The following ST3GAL4 variants were observed in gnomAD, a reference collection of about 807,000 sequenced individuals.
The protein encoded by ST3GAL4 is ST3 beta-galactoside alpha-2,3-sialyltransferase 4, also known as CMP-N-acetylneuraminate-beta-galactosamide-alpha-2,3-sialyltransferase 4.
In ST3GAL4, 24 loss-of-function variants were observed where a neutral mutation model predicts 42.6. That is an observed-to-expected ratio of 0.56 (90% CI 0.41 to 0.79). The LOEUF is 0.79. Ranked by LOEUF, ST3GAL4 falls within the 30% of genes least tolerant of loss-of-function variation. The probability of loss-of-function intolerance (pLI) is 0.00; values close to 1 mark genes in which losing one functional copy is unlikely to be tolerated. For missense variants in ST3GAL4, 311 were observed against 430.8 expected (o/e 0.72, Z 2.46); for synonymous variants, 135 against 163.2 (o/e 0.83, Z 1.32).
intron 1 of ST3GAL4, among the ~76,000 whole-genome samples, chr11:126,357,934 A>G (rs1283946208): frequency 6.6e-6 from 1 of 152,210 alleles, no homozygotes; most frequent in African/African-American, 2.4e-5. Flanking sequence ...GGACTAATAC[A>G]AATGTTTCCG....
At chr11:126,375,310 C>T (rs1354972256) in intron 1 of ST3GAL4, among the ~76,000 whole-genome samples, 1 of 152,224 alleles carries the variant, frequency 6.6e-6, no homozygotes, top group Non-Finnish European at 1.5e-5. Flanking sequence ...GGAAGCGTGG[C>T]TGAGGAGGGG....
intron 1 of ST3GAL4, chr11:126,358,501 C>T (rs535472906): frequency 2.6e-5 from 12 of 454,550 alleles, no homozygotes; most frequent in Admixed American, 1.2e-4. Flanking sequence ...TGCCACATTT[C>T]GGGGAGGGAG....
At chr11:126,371,163 C>CCTTTTTTTTTTTTTTT (rs1952626552) in intron 1 of ST3GAL4, among the ~76,000 whole-genome samples, 1 of 59,974 alleles carries the variant, frequency 1.7e-5, no homozygotes, top group African/African-American at 7.1e-5. Flanking sequence ...CCCCACATTC[C>CCTTTTTTTTTTTTTTT]TTTTTTTTTT....
At position 126,407,367 on chromosome 11, in the gene ST3GAL4, T is replaced by C; in HGVS notation, c.280+18T>C. 1 of 1,611,330 alleles carries C rather than the reference T, an allele frequency of 6.2e-7. No individual in the cohort carries two copies. The highest frequency in any genetic ancestry group is 8.5e-7 in the Non-Finnish European group (1 of 1,177,436). On this transcript the variant is annotated intron_variant, in intron 5 of 10. Transcript: ENST00000444328. ...GGGGAGTGGTAAGTTCCTACCCGGCTCGTGGGAACCATGGGCTCACCCTGA... is the reference window on the plus strand; with the variant it reads ...GGGGAGTGGTAAGTTCCTACCCGGCCCGTGGGAACCATGGGCTCACCCTGA...
rs536515619 is a variant in ST3GAL4, at chr11:126,378,573, A to AT, written c.-61+22738dup. Among the ~76,000 whole-genome samples, 9 of 152,016 alleles carry AT rather than the reference A, an allele frequency of 5.9e-5. No homozygotes were observed. The South Asian group carries it at 1.2e-3, about 21-fold the overall frequency. On this transcript the variant is annotated intron_variant, in intron 1 of 10. Coordinates refer to ENST00000444328, the MANE Select transcript of ST3GAL4 (RefSeq NM_001254757.2). The surrounding 1 kb of genome is among the most constrained non-coding windows in gnomAD (Gnocchi z 5.3). ...ACAGGCACCACCACCACGCCCAGCTATTTTTTTGTATTTTTAGTAGAGACA... is the reference window on the plus strand; with the variant it reads ...ACAGGCACCACCACCACGCCCAGCTATTTTTTTTGTATTTTTAGTAGAGACA...
At chr11:126,402,728 G>T (rs1954060683) in intron 1 of ST3GAL4, among the ~76,000 whole-genome samples, 1 of 152,198 alleles carries the variant, frequency 6.6e-6, no homozygotes, top group Non-Finnish European at 1.5e-5. Flanking sequence ...GTGAATGCTG[G>T]GGCAGCAGGA....
At chr11:126,407,221 T>C in intron 4 of ST3GAL4, 31 bp from the exon 5 acceptor site, 1 of 1,609,698 alleles carries the variant, frequency 6.2e-7, no homozygotes. Context: ...AATTCTGTTC[T>C]CATCCCCACC....
At chr11:126,372,820 T>C (rs148441461) in intron 1 of ST3GAL4, among the ~76,000 whole-genome samples, 102 of 152,370 alleles carry the variant, frequency 6.7e-4, no homozygotes, top group African/African-American at 2.4e-3. Context: ...TCACATTTTG[T>C]TCATTCATCC....
chr11:126,375,346 G>A (rs965378682), intron 1 of ST3GAL4, among the ~76,000 whole-genome samples: 103 of 152,286 alleles, frequency 6.8e-4, no homozygotes, highest in Non-Finnish European at 1.2e-3. Context: ...GTCACTGTGC[G>A]GAGCCTTCGA....
In ST3GAL4 at chr11:126,384,409, C is replaced by T. The variant is rs144410178; in HGVS notation, c.-60-21687C>T. On this transcript the variant is annotated intron_variant, in intron 1 of 10. Transcript: ENST00000444328. This position sits in a 1 kb window ranked among gnomAD's most constrained non-coding sequence, Gnocchi z 5.5. ...GTAGGGACTCCAGGGCTGAACGTTG[C>T]CTTTGCTGTCCCTGCTTGGGGATTT... Among the ~76,000 whole-genome samples the T allele has an allele frequency of 5.3e-5, 8 of 152,148 alleles. No homozygotes were observed. Among genetic ancestry groups the T allele is most frequent in the African/African-American group, 1.7e-4 (7 of 41,518 alleles).
chr11:126,368,422 T>A (rs1276019600), intron 1 of ST3GAL4, among the ~76,000 whole-genome samples: 1 of 152,256 alleles, frequency 6.6e-6, no homozygotes, highest in Non-Finnish European at 1.5e-5. Context: ...GGCTCCTGTT[T>A]CTGCTGACTT....
In ST3GAL4 at chr11:126,411,096, C is replaced by G. The variant is rs961995520; in HGVS notation, c.771+1685C>G. Among the ~76,000 whole-genome samples, 3 of 151,740 alleles carry G rather than the reference C, an allele frequency of 2.0e-5. No homozygotes were observed. Among genetic ancestry groups the G allele is most frequent in the Admixed American group, 2.0e-4 (3 of 15,258 alleles). The stretch of plus-strand genomic sequence containing the variant: ...ATGAGAGAGGGCGAGGACCTGAACC[C>G]AGCTCCTGGCAGTGGGAAGGGAAAA... On this transcript the variant is annotated intron_variant, in intron 9 of 10. Transcript: ENST00000444328. The surrounding 1 kb of genome is among the most constrained non-coding windows in gnomAD (Gnocchi z 6.3).
At chr11:126,368,191 C>T (rs1331121159) in intron 1 of ST3GAL4, among the ~76,000 whole-genome samples, 1 of 151,154 alleles carries the variant, frequency 6.6e-6, no homozygotes, top group Non-Finnish European at 1.5e-5. Flanking sequence ...AGCACAGCCC[C>T]AGGGATGATT....
chr11:126,403,649 A>G (rs1954104787), intron 1 of ST3GAL4, among the ~76,000 whole-genome samples: 1 of 152,178 alleles, frequency 6.6e-6, no homozygotes, highest in Admixed American at 6.5e-5. Flanking sequence ...ACAAAGGAAG[A>G]TGAAACGCAC....
chr11:126,384,739 C>T lies in ST3GAL4; in HGVS notation c.-60-21357C>T, dbSNP rs1953151621. On this transcript the variant is annotated intron_variant, in intron 1 of 10. Coordinates refer to ENST00000444328, the MANE Select transcript of ST3GAL4 (RefSeq NM_001254757.2). This position sits in a 1 kb window ranked among gnomAD's most constrained non-coding sequence, Gnocchi z 5.5. ...CACACCCCAGCAGCATCTCCTGAGG[C>T]TGGGCCATGGGTGAATCTGAGTCGA... 1.0e-6 allele frequency: 1 copy of T among 985,394 alleles called. No homozygotes were observed. The allele number at this position is 985,394 out of a possible 1,614,324, so 61.0% of individuals were successfully genotyped here.
rs918686949 is a variant in ST3GAL4, at chr11:126,406,861, G to C, written c.102-82G>C. The C allele has an allele frequency of 7.7e-7, 1 of 1,302,276 alleles. No individual in the cohort carries two copies. 80.7% of individuals were successfully genotyped at this position (1,302,276 alleles called of 1,614,324 possible). On this transcript the variant is annotated intron_variant, in intron 3 of 10. Coordinates refer to ENST00000444328, the MANE Select transcript of ST3GAL4 (RefSeq NM_001254757.2). The surrounding 1 kb of genome is among the most constrained non-coding windows in gnomAD (Gnocchi z 5.4). ...CCCGGCACCTTGGGACCTTCATGCC[G>C]TGGGAGAAGGCTTAGGCTGCCTGGA... is the stretch of plus-strand genomic sequence containing the variant.
chr11:126,383,444 C>T lies in ST3GAL4; in HGVS notation c.-60-22652C>T, dbSNP rs953667554. ...GGAGGTAGAGCAGCAGCAGCAGCAG[C>T]TGAGCCCAGCCCCCGGCCAGCCCTG... On this transcript the variant is annotated intron_variant, in intron 1 of 10. Coordinates refer to ENST00000444328, the MANE Select transcript of ST3GAL4 (RefSeq NM_001254757.2). This position sits in a 1 kb window ranked among gnomAD's most constrained non-coding sequence, Gnocchi z 4.5. 6.6e-6 allele frequency among the ~76,000 whole-genome samples: 1 copy of T among 152,154 alleles called. No homozygotes were observed. Among genetic ancestry groups the T allele is most frequent in the African/African-American group, 2.4e-5 (1 of 41,448 alleles).
At chr11:126,371,086 TC>T in intron 1 of ST3GAL4, among the ~76,000 whole-genome samples, 1 of 151,692 alleles carries the variant, frequency 6.6e-6, no homozygotes, top group South Asian at 2.1e-4. Context: ...AGATATTTTT[TC>T]CTTTAAGAAA....
rs751849177 is a variant in ST3GAL4 at position 126,408,489 on chromosome 11, A to G, written c.620A>G (p.Lys207Arg). 14 of 1,614,056 alleles carry G rather than the reference A, an allele frequency of 8.7e-6. No homozygotes were observed. In the Admixed American group the frequency reaches 2.2e-4, roughly 25 times the overall value. The change falls in exon 8 of 11, where the codon AAG (lysine) becomes AGG (arginine). Residue 207 changes from lysine to arginine, a missense_variant. Physicochemically the swap from Lys to Arg is conservative, Grantham distance 26. Coordinates refer to ENST00000444328, the MANE Select transcript of ST3GAL4 (RefSeq NM_001254757.2). ...TGGATTGAGACCATCCTGAGTGATA[A>G]GAAGCGGGTAAGTTGGGGGACAGAC... ...FHWIETILSDKKRVRKGFWKQ... is the reference protein window; with the variant it reads ...FHWIETILSDRKRVRKGFWKQ...
Sources: allele counts gnomAD v4.1 joint callset (sites outside exome capture counted in the v4.1 genomes callset), GRCh38; gene constraint gnomAD v4.1.1; non-coding constraint Gnocchi (gnomAD v3.1); transcripts MANE v1.5; gene names NCBI Gene and HGNC (gene_info 2026-07-23, HGNC 2026-07-21).